Variants in ITGA9 observed in about 807,000 individuals in gnomAD.
ITGA9 encodes integrin alpha-9.
Under a neutral mutation model 127.8 loss-of-function variants are expected in ITGA9, and 56 were observed. That is an observed-to-expected ratio of 0.44 (90% CI 0.35 to 0.55). The LOEUF (loss-of-function observed/expected upper bound fraction) is 0.55. Among genes scored for constraint, ITGA9 ranks in the 20% least tolerant of loss-of-function variants. The pLI is 0.00. For synonymous variants in ITGA9, 508 were observed against 514.5 expected (o/e 0.99, Z 0.17); for missense variants, 1,196 against 1,347.1 (o/e 0.89, Z 1.76).
At chr3:37,479,840 A>G (rs1368220831) in intron 3 of ITGA9, among the ~76,000 whole-genome samples, 3 of 152,306 alleles carry the variant, frequency 2.0e-5, no homozygotes, top group Non-Finnish European at 2.9e-5. Context: ...TCTTTGATAC[A>G]TGGTGCTCTT....
intron 18 of ITGA9, among the ~76,000 whole-genome samples, chr3:37,711,561 G>A (rs997581508): frequency 6.6e-6 from 1 of 152,008 alleles, no homozygotes; most frequent in Non-Finnish European, 1.5e-5. Context: ...GTGCCACCAC[G>A]TCCTGCTCAT....
chr3:37,605,360 G>A (rs1251179173), intron 15 of ITGA9, among the ~76,000 whole-genome samples: 5 of 152,162 alleles, frequency 3.3e-5, no homozygotes, highest in Non-Finnish European at 7.3e-5. Context: ...AGCAATGGGG[G>A]ATGTGGTTTT....
intron 18 of ITGA9, among the ~76,000 whole-genome samples, chr3:37,717,878 T>A (rs1194677025): frequency 1.3e-5 from 2 of 152,180 alleles, no homozygotes; most frequent in East Asian, 3.8e-4. Flanking sequence ...TTTTAGTTAG[T>A]TGAAAGGTAA....
At chr3:37,559,858 T>C (rs533320922) in intron 15 of ITGA9, among the ~76,000 whole-genome samples, 1 of 152,364 alleles carries the variant, frequency 6.6e-6, no homozygotes, top group Non-Finnish European at 1.5e-5. Flanking sequence ...CCCTTCCTTC[T>C]GCCCAGAATT....
At chr3:37,600,663 T>C (rs1699914525) in intron 15 of ITGA9, among the ~76,000 whole-genome samples, 1 of 152,098 alleles carries the variant, frequency 6.6e-6, no homozygotes, top group East Asian at 1.9e-4. Flanking sequence ...CCTTCATGAC[T>C]CACTGTGATC....
intron 17 of ITGA9, among the ~76,000 whole-genome samples, chr3:37,657,446 C>A (rs1363003473): frequency 1.3e-5 from 2 of 152,046 alleles, no homozygotes; most frequent in Non-Finnish European, 2.9e-5. Context: ...GGAATTTATC[C>A]ATTTCTTCTA....
rs372317645 is a variant in ITGA9 at position 37,789,747 on chromosome 3, T to C, written c.2889+4669T>C. Among the ~76,000 whole-genome samples, 50 of 111,216 alleles carry C rather than the reference T, an allele frequency of 4.5e-4. No homozygotes were observed. In the East Asian group the frequency reaches 0.014, roughly 31 times the overall value. 73.0% of individuals were successfully genotyped at this position (111,216 alleles called of 152,430 possible). ...TCACGCCACTGCACTCCAGCCTGGG[T>C]GACAGAGTGAGACTCCGTCTCAAAA... is the stretch of plus-strand genomic sequence containing the variant. On this transcript the variant is annotated intron_variant, in intron 26 of 27. Transcript: ENST00000264741.
intron 17 of ITGA9, among the ~76,000 whole-genome samples, chr3:37,661,402 C>T (rs1173541626): frequency 2.6e-5 from 4 of 152,168 alleles, no homozygotes; most frequent in African/African-American, 9.7e-5. Flanking sequence ...AAGAAACCTT[C>T]GTTGTACTTT....
At chr3:37,564,698 ACAG>A (rs1699528233) in intron 15 of ITGA9, among the ~76,000 whole-genome samples, 1 of 152,170 alleles carries the variant, frequency 6.6e-6, no homozygotes, top group South Asian at 2.1e-4. Context: ...CTTTAATTCA[ACAG>A]GCACCTGTTG....
chr3:37,693,464 A>G (rs1700852736), intron 18 of ITGA9, among the ~76,000 whole-genome samples: 1 of 152,112 alleles, frequency 6.6e-6, no homozygotes, highest in African/African-American at 2.4e-5. Context: ...TTTCTTATCA[A>G]GTGATTCTTC....
chr3:37,753,848 G>A (rs1437095558), intron 23 of ITGA9: 2 of 152,118 alleles, frequency 1.3e-5, no homozygotes, highest in Admixed American at 6.5e-5. Context: ...ACCACCCTTG[G>A]CCTGCTGCAA....
At chr3:37,495,160 C>G (rs1698714919) in intron 5 of ITGA9, among the ~76,000 whole-genome samples, 3 of 152,130 alleles carry the variant, frequency 2.0e-5, no homozygotes, top group African/African-American at 7.2e-5. Flanking sequence ...GCCATGTTGG[C>G]CAGGCTGGTC....
rs754272279 is a variant in ITGA9, at chr3:37,505,988, C to A, written c.743-12C>A. On this transcript the variant is annotated splice_polypyrimidine_tract_variant and intron_variant, in intron 6 of 27. Transcript: ENST00000264741. ...TTCAACCGTGTGCTTGGTTTCCGCCCATCCTGTTCAGGCTACGCAGTGACC... is the reference window on the plus strand; with the variant it reads ...TTCAACCGTGTGCTTGGTTTCCGCCAATCCTGTTCAGGCTACGCAGTGACC... 9.4e-6 allele frequency: 15 copies of A among 1,589,408 alleles called. No individual in the cohort carries two copies. The highest frequency in any genetic ancestry group is 1.1e-5 in the South Asian group (1 of 87,624).
At chr3:37,656,808 T>C (rs1193392365) in intron 17 of ITGA9, among the ~76,000 whole-genome samples, 2 of 151,458 alleles carry the variant, frequency 1.3e-5, no homozygotes, top group African/African-American at 4.9e-5. Flanking sequence ...GCCCATTCAG[T>C]ATGATATTGG....
intron 15 of ITGA9, among the ~76,000 whole-genome samples, chr3:37,566,308 C>G (rs189648986): frequency 6.6e-6 from 1 of 151,978 alleles, no homozygotes; most frequent in East Asian, 1.9e-4. Context: ...ATGGATGTGC[C>G]GGACAAAGGT....
At chr3:37,501,438 A>C (rs115106893) in intron 5 of ITGA9, among the ~76,000 whole-genome samples, 183 of 152,332 alleles carry the variant, frequency 1.2e-3, no homozygotes, top group African/African-American at 4.2e-3. Context: ...TTAATTAAAA[A>C]AATTAATACA....
At chr3:37,549,843 A>G (rs980191209) in intron 15 of ITGA9, among the ~76,000 whole-genome samples, 3 of 152,252 alleles carry the variant, frequency 2.0e-5, no homozygotes, top group African/African-American at 7.2e-5. Flanking sequence ...TTTCTCTGCA[A>G]TCCTCTCTAG....
intron 5 of ITGA9, among the ~76,000 whole-genome samples, chr3:37,499,271 G>A (rs981940675): frequency 1.5e-4 from 23 of 152,250 alleles, no homozygotes; most frequent in African/African-American, 5.3e-4. Flanking sequence ...GAGGCACTTG[G>A]GTGGGAGTTT....
chr3:37,776,929 T>C (rs1696915357), intron 23 of ITGA9, among the ~76,000 whole-genome samples: 1 of 152,140 alleles, frequency 6.6e-6, no homozygotes, highest in African/African-American at 2.4e-5. Context: ...TCTAGAATGG[T>C]TGAAAACCTC....
Sources: gnomAD v4.1 joint callset for allele counts (sites outside exome capture counted in the v4.1 genomes callset) on GRCh38, gnomAD v4.1.1 for gene constraint, MANE v1.5 for transcripts, NCBI Gene and HGNC (gene_info 2026-07-23, HGNC 2026-07-21) for gene names.